Variants in BRSK1 observed in about 807,000 individuals in gnomAD.
The protein encoded by BRSK1 is serine/threonine-protein kinase BRSK1.
In BRSK1, 17 loss-of-function variants were observed where a neutral mutation model predicts 86.2. The ratio of observed to expected loss-of-function variants is 0.20; its 90% CI spans 0.14 to 0.30. The LOEUF (loss-of-function observed/expected upper bound fraction) is 0.30, where lower values mean the gene tolerates loss of function less well. BRSK1 is among the 10% of genes least tolerant of loss of function. BRSK1 has a pLI of 1.00. For synonymous variants in BRSK1, 464 were observed against 440.1 expected (o/e 1.05, Z -0.68); for missense variants, 719 against 1,071.9 (o/e 0.67, Z 4.60).
chr19:55,302,677 A>G lies in BRSK1; in HGVS notation c.858-20A>G, dbSNP rs1242110919. The G allele has an allele frequency of 1.9e-6, 3 of 1,593,156 alleles. No homozygotes were observed. Among genetic ancestry groups the G allele is most frequent in the Non-Finnish European group, 2.6e-6 (3 of 1,166,794 alleles). On this transcript the variant is annotated intron_variant, in intron 9 of 18. Transcript: ENST00000309383. The surrounding 1 kb of genome is among the most constrained non-coding windows in gnomAD (Gnocchi z 6.3). The stretch of plus-strand genomic sequence containing the variant: ...AATCTCAGAAGCCCGGTTCCCAATA[A>G]TGTTTCTCCACTTCCCCAGAGGCGG...
At position 55,304,778 on chromosome 19, in the gene BRSK1, G is replaced by T; in HGVS notation, c.1575G>T (p.Arg525=). The T allele has an allele frequency of 6.4e-7, 1 of 1,556,788 alleles. No individual in the cohort carries two copies. The highest frequency in any genetic ancestry group is 8.7e-7 in the Non-Finnish European group (1 of 1,155,698). The part of the protein sequence containing the change: ...TPLHSPLHTP[R]ASPTGTPGTT... ...TGCACTCGCCTCTGCACACGCCCCG[G>T]GCCAGTCCCACCGGGACCCCGGGGA... Residue 525 remains arginine, a synonymous_variant, in exon 14 of 19, where the codon CGG becomes CGT. Transcript: ENST00000309383. The surrounding 1 kb of genome is among the most constrained non-coding windows in gnomAD (Gnocchi z 5.2).
In BRSK1 at chr19:55,312,214, A is replaced by C; in HGVS notation, c.*146A>C. On this transcript the variant is annotated 3_prime_UTR_variant, in exon 19 of 19. Coordinates refer to ENST00000309383, the MANE Select transcript of BRSK1 (RefSeq NM_032430.2). ...TTGCCCTGCAGGGATGGGGCTCCAC[A>C]GGCCGTGCCCAACTGGGGGTGGTTC... 1 of 434,142 alleles carries C rather than the reference A, an allele frequency of 2.3e-6. No individual in the cohort carries two copies. The highest frequency in any genetic ancestry group is 4.1e-6 in the Non-Finnish European group (1 of 245,034). The allele number at this position is 434,142 out of a possible 1,614,324, so 26.9% of individuals were successfully genotyped here.
rs1383014579 is a variant in BRSK1, at chr19:55,306,134, C to T, written c.1891-118C>T. 6.0e-6 allele frequency: 6 copies of T among 995,298 alleles called. No individual in the cohort carries two copies. Among genetic ancestry groups the T allele is most frequent in the Non-Finnish European group, 8.9e-6 (6 of 673,620 alleles). 61.7% of individuals were successfully genotyped at this position (995,298 alleles called of 1,614,324 possible). A position where few individuals can be genotyped will look rare whatever the true frequency, so the allele number is the denominator to read the frequency against. On this transcript the variant is annotated intron_variant, in intron 16 of 18. Coordinates refer to ENST00000309383, the MANE Select transcript of BRSK1 (RefSeq NM_032430.2). This position sits in a 1 kb window ranked among gnomAD's most constrained non-coding sequence, Gnocchi z 4.7. ...GGCAGTGGGGCCTCCCAATGCATTT[C>T]CTGTCCTTCTTTCCCTCCAGTGGCT...
At chr19:55,300,754 G>A (rs1247781440) in intron 7 of BRSK1, among the ~76,000 whole-genome samples, 4 of 152,152 alleles carry the variant, frequency 2.6e-5, no homozygotes, top group Admixed American at 2.0e-4. Context: ...CAGGAGGATC[G>A]CTTGAACCTG....
At chr19:55,293,080 C>T (rs552816292) in intron 4 of BRSK1, among the ~76,000 whole-genome samples, 1 of 152,216 alleles carries the variant, frequency 6.6e-6, no homozygotes, top group South Asian at 2.1e-4. Flanking sequence ...ACAAAATAGG[C>T]CGGGCGCGGT....
At chr19:55,309,109 C>T (rs932706534) in intron 18 of BRSK1, among the ~76,000 whole-genome samples, 11 of 151,994 alleles carry the variant, frequency 7.2e-5, no homozygotes, top group Non-Finnish European at 1.2e-4. Context: ...TCCAGGAGGA[C>T]GGTGACCCAC....
chr19:55,303,168 C>A lies in BRSK1; in HGVS notation c.1029-143C>A. ...AAACACAGCTGAGATGTACCCTAAACCAGAGAAACTGACCATACTGATACC... is the reference window on the plus strand; with the variant it reads ...AAACACAGCTGAGATGTACCCTAAAACAGAGAAACTGACCATACTGATACC... On this transcript the variant is annotated intron_variant, in intron 10 of 18. Transcript: ENST00000309383. This position sits in a 1 kb window ranked among gnomAD's most constrained non-coding sequence, Gnocchi z 5.1. 1 of 695,230 alleles carries A rather than the reference C, an allele frequency of 1.4e-6. No homozygotes were observed. Among genetic ancestry groups the A allele is most frequent in the Non-Finnish European group, 2.4e-6 (1 of 410,306 alleles). The allele number at this position is 695,230 out of a possible 1,614,324, so 43.1% of individuals were successfully genotyped here.
At chr19:55,290,466 A>G (rs1364021128) in intron 4 of BRSK1, among the ~76,000 whole-genome samples, 1 of 152,200 alleles carries the variant, frequency 6.6e-6, no homozygotes, top group African/African-American at 2.4e-5. Context: ...TTTAACAAAG[A>G]AAAAAAGAAT....
At position 55,294,217 on chromosome 19, in the gene BRSK1, C is replaced by T. The variant is rs911216897; in HGVS notation, c.579C>T (p.Ser193=). The change falls in exon 6 of 19, where the codon TCC becomes TCT. Residue 193 remains serine (S), a synonymous_variant. Coordinates refer to ENST00000309383, the MANE Select transcript of BRSK1 (RefSeq NM_032430.2). This position sits in a 1 kb window ranked among gnomAD's most constrained non-coding sequence, Gnocchi z 4.9. ...GDSLLETSCG[S]PHYACPEVIK... is the part of the protein sequence containing the mutation. ...TCACATCAGCTCTCTCCCTCAGGTC[C>T]CCCCATTATGCGTGTCCAGAGGTGA... The T allele has an allele frequency of 1.2e-6, 2 of 1,613,776 alleles. No individual in the cohort carries two copies. Among genetic ancestry groups the T allele is most frequent in the African/African-American group, 1.3e-5 (1 of 74,994 alleles).
rs2088463707 is a variant in BRSK1, at chr19:55,294,924, C to G, written c.678+527C>G. On this transcript the variant is annotated intron_variant, in intron 7 of 18. Coordinates refer to ENST00000309383, the MANE Select transcript of BRSK1 (RefSeq NM_032430.2). The surrounding 1 kb of genome is among the most constrained non-coding windows in gnomAD (Gnocchi z 4.9). Reference sequence around the variant, plus strand: ...TCAAGCTATTCTCCTGCCTCAGCTTCCCGATTAGCTGGGACTACAGGTACC... The same window carrying G: ...TCAAGCTATTCTCCTGCCTCAGCTTGCCGATTAGCTGGGACTACAGGTACC... Among the ~76,000 whole-genome samples, 1 of 151,986 alleles carries G rather than the reference C, an allele frequency of 6.6e-6. No homozygotes were observed. Among genetic ancestry groups the G allele is most frequent in the Non-Finnish European group, 1.5e-5 (1 of 68,010 alleles).
At position 55,304,907 on chromosome 19, in the gene BRSK1, G is replaced by T; in HGVS notation, c.1704G>T (p.Arg568=). ...NSFLGSPRFH[R]RKMQVPTAEE... is the part of the protein sequence containing the mutation. The stretch of plus-strand genomic sequence containing the variant: ...TCCTGGGCTCCCCTCGCTTTCACCG[G>T]CGCAAGATGCAGGGTATGGGGGCAT... Residue 568 remains arginine, a synonymous_variant, in exon 14 of 19, where the codon CGG becomes CGT. Transcript: ENST00000309383. This position sits in a 1 kb window ranked among gnomAD's most constrained non-coding sequence, Gnocchi z 5.2. 1.9e-6 allele frequency: 3 copies of T among 1,608,190 alleles called. No individual in the cohort carries two copies. The highest frequency in any genetic ancestry group is 2.5e-6 in the Non-Finnish European group (3 of 1,179,760).
In BRSK1 at chr19:55,287,693, C is replaced by A. The variant is rs2088339445; in HGVS notation, c.317+394C>A. Among the ~76,000 whole-genome samples the A allele has an allele frequency of 6.6e-6, 1 of 152,244 alleles. No homozygotes were observed. The highest frequency in any genetic ancestry group is 2.1e-4 in the South Asian group (1 of 4,832). Reference sequence around the variant, plus strand: ...CAAAGGATCTTCCCAAACCCCAACTCTGGAGCACTGGAGAGCCCCCCTCCT... The same window carrying A: ...CAAAGGATCTTCCCAAACCCCAACTATGGAGCACTGGAGAGCCCCCCTCCT... On this transcript the variant is annotated intron_variant, in intron 3 of 18. Coordinates refer to ENST00000309383, the MANE Select transcript of BRSK1 (RefSeq NM_032430.2). This position sits in a 1 kb window ranked among gnomAD's most constrained non-coding sequence, Gnocchi z 5.3.
intron 7 of BRSK1, among the ~76,000 whole-genome samples, chr19:55,301,234 A>G (rs1043657187): frequency 5.9e-5 from 9 of 152,194 alleles, no homozygotes; most frequent in African/African-American, 2.2e-4. Flanking sequence ...GAATGAGTGA[A>G]TGAGAGACAA....
chr19:55,302,912 G>A lies in BRSK1; in HGVS notation c.1028+45G>A. ...GCACCCGTGTACCCACGTGGGGCGA[G>A]CTGCAGCAGCTCCCTGCGCACATGC... On this transcript the variant is annotated intron_variant, in intron 10 of 18. Transcript: ENST00000309383. The surrounding 1 kb of genome is among the most constrained non-coding windows in gnomAD (Gnocchi z 6.3). The A allele has an allele frequency of 6.3e-7, 1 of 1,584,240 alleles. No homozygotes were observed. Among genetic ancestry groups the A allele is most frequent in the East Asian group, 2.3e-5 (1 of 44,258 alleles).
intron 8 of BRSK1, 38 bp downstream of exon 8, chr19:55,301,696 G>T: frequency 1.3e-6 from 2 of 1,598,220 alleles, no homozygotes; most frequent in Non-Finnish European, 8.5e-7. Flanking sequence ...GGGGAACAGT[G>T]GCCGATGAAG....
intron 4 of BRSK1, among the ~76,000 whole-genome samples, chr19:55,291,822 G>A (rs1405226848): frequency 6.6e-6 from 1 of 152,156 alleles, no homozygotes; most frequent in Non-Finnish European, 1.5e-5. Context: ...GCAATGGCAC[G>A]ATCTCAGCTC....
At chr19:55,291,850 C>T (rs992408990) in intron 4 of BRSK1, among the ~76,000 whole-genome samples, 1 of 152,212 alleles carries the variant, frequency 6.6e-6, no homozygotes, top group Non-Finnish European at 1.5e-5. Context: ...CCTCCACCTC[C>T]CAGGTTCGAG....
rs998389266 is a variant in BRSK1 at position 55,309,630 on chromosome 19, C to A, written c.2179+902C>A. Among the ~76,000 whole-genome samples the A allele has an allele frequency of 3.9e-5, 6 of 152,132 alleles. No homozygotes were observed. In the East Asian group the frequency reaches 1.2e-3, roughly 29 times the overall value. ...GGCCTCTTTCCTAAGGACACTAATCCCATTCATGAAGGCCCCACCCTCATG... is the reference window on the plus strand; with the variant it reads ...GGCCTCTTTCCTAAGGACACTAATCACATTCATGAAGGCCCCACCCTCATG... On this transcript the variant is annotated intron_variant, in intron 18 of 18. Coordinates refer to ENST00000309383, the MANE Select transcript of BRSK1 (RefSeq NM_032430.2).
intron 18 of BRSK1, among the ~76,000 whole-genome samples, chr19:55,311,189 T>C (rs1339316567): frequency 6.6e-6 from 1 of 152,176 alleles, no homozygotes; most frequent in Non-Finnish European, 1.5e-5. Context: ...CTCAAACTCC[T>C]GACCTCAAGT....
Sources: allele counts gnomAD v4.1 joint callset (sites outside exome capture counted in the v4.1 genomes callset), GRCh38; gene constraint gnomAD v4.1.1; non-coding constraint Gnocchi (gnomAD v3.1); transcripts MANE v1.5; gene names NCBI Gene and HGNC (gene_info 2026-07-23, HGNC 2026-07-21).